Variants in WDR72 observed in about 807,000 individuals in gnomAD.
The protein encoded by WDR72 is WD repeat-containing protein 72.
A neutral mutation model predicts 124.2 loss-of-function variants in WDR72; 120 were observed. That is an observed-to-expected ratio of 0.97 (90% CI 0.83 to 1.12). The LOEUF is 1.12. Among genes scored for constraint, WDR72 ranks in the 50% most tolerant of loss-of-function variants. WDR72 has a pLI of 0.00. For missense variants in WDR72, 1,387 were observed against 1,278.8 expected, an observed-to-expected ratio of 1.08 and a Z score of -1.29; for synonymous variants, 452 against 441.7, an observed-to-expected ratio of 1.02 and a Z score of -0.29.
chr15:53,537,105 C>T (rs1159220976), intron 18 of WDR72, among the ~76,000 whole-genome samples: 1 of 152,130 alleles, frequency 6.6e-6, no homozygotes, highest in Non-Finnish European at 1.5e-5. Flanking sequence ...CTGACTTATA[C>T]TGAGCATGAC....
At chr15:53,717,585 C>T (rs149516265) in intron 3 of WDR72, among the ~76,000 whole-genome samples, 1,706 of 152,086 alleles carry the variant, frequency 0.011, 16 homozygotes, top group Admixed American at 0.016. Context: ...ATTTTGCTAC[C>T]CCTTATTCCC....
intron 9 of WDR72, among the ~76,000 whole-genome samples, chr15:53,707,989 T>G (rs1462830242): frequency 6.6e-6 from 1 of 152,180 alleles, no homozygotes; most frequent in South Asian, 2.1e-4. Flanking sequence ...GCTTTGCCTC[T>G]GGCAGCTGAA....
chr15:53,655,743 C>G (rs1232168574), intron 14 of WDR72, among the ~76,000 whole-genome samples: 4 of 151,968 alleles, frequency 2.6e-5, no homozygotes, highest in African/African-American at 7.2e-5. Context: ...CTCTGTGGGC[C>G]AGGCTGTGGC....
At chr15:53,732,822 GATCA>G (rs1422561682) in intron 2 of WDR72, among the ~76,000 whole-genome samples, 171 bp downstream of exon 2, 2 of 152,142 alleles carry the variant, frequency 1.3e-5, no homozygotes, top group Admixed American at 6.5e-5. Flanking sequence ...ATATAATCTT[GATCA>G]ATCATATAAT....
chr15:53,692,397 C>G lies in WDR72; in HGVS notation c.1765+7353G>C, dbSNP rs563423409. Among the ~76,000 whole-genome samples, 11 of 152,112 alleles carry G rather than the reference C, an allele frequency of 7.2e-5. No homozygotes were observed. In the East Asian group the frequency reaches 1.4e-3, roughly 19 times the overall value. On this transcript the variant is annotated intron_variant, in intron 13 of 19. Coordinates refer to ENST00000360509, the MANE Select transcript of WDR72 (RefSeq NM_182758.4). ...GTTAAGGAGTCAGGAATAATGAATC[C>G]TTAGTACACACTAGTACAGTAATTC... is the stretch of plus-strand genomic sequence containing the variant.
intron 13 of WDR72, among the ~76,000 whole-genome samples, chr15:53,691,737 C>T (rs552387212): frequency 6.6e-6 from 1 of 152,280 alleles, no homozygotes; most frequent in South Asian, 2.1e-4. Context: ...TTTCTGCAAA[C>T]ACTGTGTGTT....
intron 12 of WDR72, 141 bp from the exon 13 acceptor site, chr15:53,700,086 C>A (rs968666048): frequency 3.2e-6 from 3 of 926,426 alleles, no homozygotes; most frequent in Non-Finnish European, 5.0e-6. Flanking sequence ...TTCTACAGCA[C>A]CTTTCATGTA....
At chr15:53,757,695 A>G (rs887893161) in intron 1 of WDR72, among the ~76,000 whole-genome samples, 1 of 152,192 alleles carries the variant, frequency 6.6e-6, no homozygotes, top group Non-Finnish European at 1.5e-5. Flanking sequence ...CTCTATTGTG[A>G]GCAACATTAT....
chr15:53,589,709 C>T (rs1215627725), intron 18 of WDR72, among the ~76,000 whole-genome samples: 5 of 152,048 alleles, frequency 3.3e-5, no homozygotes, highest in South Asian at 4.1e-4. Flanking sequence ...CTCAATTCCT[C>T]GATCAGACCA....
At chr15:53,665,867 A>G in intron 13 of WDR72, 99 bp from the exon 14 acceptor site, 2 of 1,210,118 alleles carry the variant, frequency 1.7e-6, no homozygotes, top group Non-Finnish European at 2.4e-6. Context: ...ACAATCCTTT[A>G]AGTTATCGTG....
chr15:53,675,506 T>A (rs948551003), intron 13 of WDR72, among the ~76,000 whole-genome samples: 2 of 152,202 alleles, frequency 1.3e-5, no homozygotes, highest in Non-Finnish European at 2.9e-5. Context: ...ATCTATTATA[T>A]ACAAAACTAT....
chr15:53,557,302 G>C (rs1049902807), intron 18 of WDR72, among the ~76,000 whole-genome samples: 1 of 151,994 alleles, frequency 6.6e-6, no homozygotes. Context: ...AAATTTCCCT[G>C]AACTTTCAGA....
chr15:53,617,234 T>A (rs73408256), intron 14 of WDR72, among the ~76,000 whole-genome samples: 11,945 of 151,756 alleles, frequency 0.079, 1,568 homozygotes, highest in African/African-American at 0.27. Flanking sequence ...TTGACACATA[T>A]CTCTATCTAC....
intron 1 of WDR72, among the ~76,000 whole-genome samples, chr15:53,742,188 C>T (rs368922508): frequency 6.6e-6 from 1 of 152,162 alleles, no homozygotes; most frequent in African/African-American, 2.4e-5. Flanking sequence ...AAAAGTAACC[C>T]CAGAAACGTA....
intron 14 of WDR72, among the ~76,000 whole-genome samples, chr15:53,665,089 C>T (rs1193089776): frequency 6.6e-6 from 1 of 152,080 alleles, no homozygotes. Context: ...GAATAAATGC[C>T]AACTCCATCA....
At chr15:53,683,552 C>T (rs1465199319) in intron 13 of WDR72, among the ~76,000 whole-genome samples, 2 of 152,010 alleles carry the variant, frequency 1.3e-5, no homozygotes, top group Non-Finnish European at 2.9e-5. Flanking sequence ...TAACTGAATC[C>T]TATGAAACAA....
At chr15:53,582,358 C>A (rs1395800032) in intron 18 of WDR72, among the ~76,000 whole-genome samples, 1 of 151,922 alleles carries the variant, frequency 6.6e-6, no homozygotes, top group Non-Finnish European at 1.5e-5. Flanking sequence ...TCTTCCAGGG[C>A]TGTACTGCTT....
intron 14 of WDR72, among the ~76,000 whole-genome samples, chr15:53,649,761 T>A (rs937197800): frequency 9.2e-5 from 14 of 152,106 alleles, no homozygotes; most frequent in Non-Finnish European, 1.5e-5. Context: ...GGATGGCTAT[T>A]ATTAAATGAA....
At chr15:53,737,704 C>A (rs963271833) in intron 1 of WDR72, among the ~76,000 whole-genome samples, 1 of 151,948 alleles carries the variant, frequency 6.6e-6, no homozygotes, top group Non-Finnish European at 1.5e-5. Context: ...AACTGTGACA[C>A]GGAGAGATTT....
Sources: allele counts gnomAD v4.1 joint callset (sites outside exome capture counted in the v4.1 genomes callset), GRCh38; gene constraint gnomAD v4.1.1; transcripts MANE v1.5; gene names NCBI Gene and HGNC (gene_info 2026-07-23, HGNC 2026-07-21).